The following B3GALNT2 variants were observed in gnomAD, a reference collection of about 807,000 sequenced individuals.
B3GALNT2 encodes the protein beta-1,3-N-acetylgalactosaminyltransferase 2, also known as UDP-GalNAc:beta-1,3-N-acetylgalactosaminyltransferase 2.
B3GALNT2 carries 53 observed loss-of-function variants against 61.1 expected under a neutral mutation model. The ratio of observed to expected loss-of-function variants is 0.87; its 90% CI spans 0.70 to 1.09. B3GALNT2 has a LOEUF of 1.09. Ranked by LOEUF, B3GALNT2 falls within the 50% of genes least tolerant of loss-of-function variation. The pLI, the probability that B3GALNT2 is intolerant of heterozygous loss-of-function variation, is 0.00. For synonymous variants in B3GALNT2, 223 were observed against 237.4 expected (o/e 0.94, Z 0.56); for missense variants, 544 against 623.0 (o/e 0.87, Z 1.35).
downstream of B3GALNT2, chr1:235,443,016 A>G: frequency 2.7e-6 from 3 of 1,107,846 alleles, no homozygotes; most frequent in Admixed American, 2.0e-5. Flanking sequence ...TGTGGACCTC[A>G]GAACTTACAG....
In B3GALNT2 at chr1:235,459,193, T is replaced by C. The variant is rs539218196; in HGVS notation, c.842-407A>G. The stretch of plus-strand genomic sequence containing the variant: ...TGTGGTATATTCACATAATGAAATA[T>C]AGCAGTTAAAAAAATTACCCTGATC... On this transcript the variant is annotated intron_variant, in intron 7 of 11. Transcript: ENST00000366600. 7.4e-5 allele frequency among the ~76,000 whole-genome samples: 11 copies of C among 149,044 alleles called. No individual in the cohort carries two copies. In the South Asian group the frequency reaches 1.5e-3, roughly 20 times the overall value.
intron 3 of B3GALNT2, 43 bp downstream of exon 3, chr1:235,489,125 A>G: frequency 1.2e-6 from 2 of 1,604,808 alleles, no homozygotes; most frequent in Non-Finnish European, 8.5e-7. Context: ...CTTTTACTCA[A>G]CATCAAGCTT....
rs148341787 is a variant in B3GALNT2 at position 235,489,250 on chromosome 1, T to G, written c.279A>C (p.Ile93=). 1.4e-5 allele frequency: 22 copies of G among 1,613,726 alleles called. No individual in the cohort carries two copies. In the African/African-American group the frequency reaches 2.5e-4, roughly 19 times the overall value. ...GCACTTCACAGCCATGAGCACCTAT[T>G]ATGAACTTCACAAGCACACTGAGAG... is the stretch of plus-strand genomic sequence containing the variant. ...TLSQRVLVKF[I]IGAHGCEVPV... The change falls in exon 3 of 12, where the codon ATA becomes ATC. Residue 93 remains isoleucine (I), a synonymous_variant. Transcript: ENST00000366600.
downstream of B3GALNT2, chr1:235,442,868 C>A (rs1310509339): frequency 1.2e-6 from 2 of 1,613,772 alleles, no homozygotes; most frequent in African/African-American, 1.3e-5. Flanking sequence ...AGATAAAATA[C>A]CCTCATCAAC....
At chr1:235,465,528 G>T in intron 7 of B3GALNT2, 108 bp downstream of exon 7, 6 of 1,484,002 alleles carry the variant, frequency 4.0e-6, no homozygotes, top group Non-Finnish European at 5.4e-6. Flanking sequence ...AATTTTATCT[G>T]AATAAAGTTT....
Position 235,450,325 on chromosome 1 carries a change from A to G in B3GALNT2, c.1384T>C (p.Cys462Arg). ...ATTCCTGTCTCACAGGTCTTCTCAC[A>G]CAGCCACAGACTGTCCTGTTGAGAA... is the stretch of plus-strand genomic sequence containing the variant. The part of the protein sequence containing the change: ...PKRYQDSLWL[C>R]EKTCETGMLS... Residue 462 changes from cysteine to arginine, a missense_variant, in exon 12 of 12, where the codon TGT becomes CGT. By Grantham distance (180) the Cys-to-Arg change is radical. Transcript: ENST00000366600. 1 of 1,613,820 alleles carries G rather than the reference A, an allele frequency of 6.2e-7. No individual in the cohort carries two copies. Among genetic ancestry groups the G allele is most frequent in the Middle Eastern group, 1.6e-4 (1 of 6,062 alleles).
chr1:235,465,499 G>A (rs1370407543), intron 7 of B3GALNT2, 137 bp downstream of exon 7: 6 of 1,332,950 alleles, frequency 4.5e-6, no homozygotes, highest in Admixed American at 2.6e-5. Flanking sequence ...TAAAACCACT[G>A]AACCACTTTA....
intron 2 of B3GALNT2, among the ~76,000 whole-genome samples, chr1:235,489,962 A>C (rs1457341579): frequency 1.3e-5 from 2 of 151,828 alleles, no homozygotes; most frequent in African/African-American, 4.8e-5. Context: ...ATCAATAGAC[A>C]CTCTTGAACT....
intron 8 of B3GALNT2, 28 bp from the exon 9 acceptor site, chr1:235,455,712 C>A: frequency 1.3e-6 from 2 of 1,594,728 alleles, no homozygotes; most frequent in South Asian, 2.2e-5. Flanking sequence ...ATAAGAAAGT[C>A]AGTGCGACCA....
chr1:235,457,268 GA>G (rs1206060351), intron 8 of B3GALNT2, among the ~76,000 whole-genome samples: 1 of 152,100 alleles, frequency 6.6e-6, no homozygotes, highest in Non-Finnish European at 1.5e-5. Flanking sequence ...CAACAGAGAA[GA>G]AAAGAAAGAG....
At chr1:235,457,041 C>T (rs976641809) in intron 8 of B3GALNT2, among the ~76,000 whole-genome samples, 2 of 152,108 alleles carry the variant, frequency 1.3e-5, no homozygotes, top group African/African-American at 4.8e-5. Context: ...GGTGTGGTGG[C>T]TCACGCCTAT....
Position 235,474,961 on chromosome 1 carries a change from ATATATATATATATATATATATATATATTT to A in B3GALNT2, c.652-4030_652-4002del, listed in dbSNP as rs1447752893. 1.3e-3 allele frequency among the ~76,000 whole-genome samples: 30 copies of A among 22,484 alleles called. 2 individuals are homozygous for A. The highest frequency in any genetic ancestry group is 0.016 in the Middle Eastern group (1 of 62). The allele number at this position is 22,484 out of a possible 152,430, so 14.8% of individuals were successfully genotyped here. ...CATAAAATTAGAGACATATATATATATATATATATATATATATATATATATATTTTTTTTTTTTTTTTTTTTTTTGAGAC... is the reference window on the plus strand; with the variant it reads ...CATAAAATTAGAGACATATATATATATTTTTTTTTTTTTTTTTTTTGAGAC... On this transcript the variant is annotated intron_variant, in intron 5 of 11. Coordinates refer to ENST00000366600, the MANE Select transcript of B3GALNT2 (RefSeq NM_152490.5).
intron 10 of B3GALNT2, 71 bp from the exon 11 acceptor site, chr1:235,453,217 C>A: frequency 7.1e-7 from 1 of 1,407,940 alleles, no homozygotes; most frequent in Non-Finnish European, 1.0e-6. Flanking sequence ...AAAACCATAG[C>A]CACTCCCATC....
chr1:235,479,888 G>A, intron 5 of B3GALNT2, 166 bp downstream of exon 5: 1 of 1,229,776 alleles, frequency 8.1e-7, no homozygotes, highest in Non-Finnish European at 1.1e-6. Context: ...CAGGAGGTTT[G>A]AATACAGAGT....
Position 235,504,347 on chromosome 1 carries a change from G to A in B3GALNT2, c.-95C>T. ...GACTGAGGGGCGGCGGCTGACGAGC[G>A]ACCACTCCGAGCACGCCCGCCCTCG... On this transcript the variant is annotated 5_prime_UTR_variant, in exon 1 of 12. Coordinates refer to ENST00000366600, the MANE Select transcript of B3GALNT2 (RefSeq NM_152490.5). 7.4e-7 allele frequency: 1 copy of A among 1,351,704 alleles called. No homozygotes were observed. Among genetic ancestry groups the A allele is most frequent in the South Asian group, 1.4e-5 (1 of 69,946 alleles). 83.7% of individuals were successfully genotyped at this position (1,351,704 alleles called of 1,614,324 possible). A position where few individuals can be genotyped will look rare whatever the true frequency, so the allele number is the denominator to read the frequency against.
chr1:235,494,549 C>T (rs1167393500), intron 2 of B3GALNT2, 132 bp downstream of exon 2: 20 of 974,674 alleles, frequency 2.1e-5, no homozygotes, highest in Non-Finnish European at 3.0e-5. Flanking sequence ...CTCAATTTTC[C>T]AAGCTCAAGC....
rs1288369399 is a variant in B3GALNT2 at position 235,484,326 on chromosome 1, T to C, written c.551A>G (p.Gln184Arg). 2 of 1,613,682 alleles carry C rather than the reference T, an allele frequency of 1.2e-6. No homozygotes were observed. Among genetic ancestry groups the C allele is most frequent in the Non-Finnish European group, 1.7e-6 (2 of 1,179,824 alleles). Residue 184 changes from glutamine (Q) to arginine (R), a missense_variant, in exon 4 of 12, where the codon CAA becomes CGA. By Grantham distance (43) the Gln-to-Arg change is conservative. Coordinates refer to ENST00000366600, the MANE Select transcript of B3GALNT2 (RefSeq NM_152490.5). Reference protein sequence around the residue: ...NITVKLYQAEQEEALFIARFS... With the variant: ...NITVKLYQAEREEALFIARFS... ...CCTGTACAGAGCAGTGCATACCTCTTGTTCTGCCTGATAAAGTTTGACAGT... is the reference window on the plus strand; with the variant it reads ...CCTGTACAGAGCAGTGCATACCTCTCGTTCTGCCTGATAAAGTTTGACAGT...
Position 235,484,226 on chromosome 1 carries a change from A to G in B3GALNT2, c.555+96T>C, listed in dbSNP as rs1684690515. On this transcript the variant is annotated intron_variant, in intron 4 of 11. Coordinates refer to ENST00000366600, the MANE Select transcript of B3GALNT2 (RefSeq NM_152490.5). ...GAAAGTCTCTCAACCAGAGAGAATT[A>G]TATAGTCTTCCAATCTACTTACTGT... 3.4e-6 allele frequency: 5 copies of G among 1,462,374 alleles called. No individual in the cohort carries two copies. The South Asian group carries it at 6.1e-5, about 18-fold the overall frequency. The allele number at this position is 1,462,374 out of a possible 1,614,324, so 90.6% of individuals were successfully genotyped here.
chr1:235,450,062 C>T lies in B3GALNT2; in HGVS notation c.*144G>A, dbSNP rs1000956431. 6.4e-5 allele frequency: 60 copies of T among 931,174 alleles called. No individual in the cohort carries two copies. The Admixed American group carries it at 7.0e-4, about 11-fold the overall frequency. 57.7% of individuals were successfully genotyped at this position (931,174 alleles called of 1,614,324 possible). On this transcript the variant is annotated 3_prime_UTR_variant, in exon 12 of 12. Transcript: ENST00000366600. ...AATTTGTGCAAACATTAAGAAACAC[C>T]GCATTGGTTCTGGGTGAAAGTGCCA...
Sources: allele counts gnomAD v4.1 joint callset (sites outside exome capture counted in the v4.1 genomes callset), GRCh38; gene constraint gnomAD v4.1.1; transcripts MANE v1.5; gene names NCBI Gene and HGNC (gene_info 2026-07-23, HGNC 2026-07-21).